KCNQ1OT1: variants seen among roughly 807,000 people sequenced by gnomAD.
KCNQ1OT1 encodes the protein KCNQ1 opposite strand/antisense transcript 1, also known as KCNQ1 antisense RNA 2 (non-protein coding).
In KCNQ1OT1 at chr11:2,670,496, C is replaced by T. The variant is rs1202446729; in HGVS notation, n.29499G>A. ...GGTCCCTCAGAGAGCATCTAGTGGG[C>T]CTGTCCTCCCAGCTCACAGAAGGGG... On this transcript the variant is annotated non_coding_transcript_exon_variant, in exon 1 of 1. Transcript: ENST00000597346. This position sits in a 1 kb window ranked among gnomAD's most constrained non-coding sequence, Gnocchi z 4.9. 5.0e-6 allele frequency: 2 copies of T among 397,186 alleles called. No individual in the cohort carries two copies. Among genetic ancestry groups the T allele is most frequent in the African/African-American group, 4.2e-5 (2 of 48,110 alleles). 24.6% of individuals were successfully genotyped at this position (397,186 alleles called of 1,614,324 possible). A position where few individuals can be genotyped will look rare whatever the true frequency, so the allele number is the denominator to read the frequency against.
chr11:2,632,576 G>C (rs941050505), exon 1 of KCNQ1OT1: 2 of 398,264 alleles, frequency 5.0e-6, no homozygotes, highest in Middle Eastern at 6.3e-4. Context: ...GATATACACA[G>C]TGATATTGTG....
exon 1 of KCNQ1OT1, chr11:2,618,284 T>G: frequency 2.5e-6 from 1 of 398,518 alleles, no homozygotes; most frequent in Non-Finnish European, 4.4e-6. Flanking sequence ...TAAAATACAC[T>G]AACAATAACA....
chr11:2,618,306 G>C, exon 1 of KCNQ1OT1: 2 of 398,450 alleles, frequency 5.0e-6, no homozygotes, highest in Non-Finnish European at 8.8e-6. Flanking sequence ...CAGCTGATGG[G>C]CTAAAAAAAT....
chr11:2,672,513 C>A (rs562429381), exon 1 of KCNQ1OT1: 2 of 398,654 alleles, frequency 5.0e-6, no homozygotes, highest in African/African-American at 2.1e-5. Context: ...CTCTGTGCTC[C>A]CAGGCCTCTC....
rs1849681657 is a variant in KCNQ1OT1 at position 2,647,316 on chromosome 11, G to T, written n.52679C>A. On this transcript the variant is annotated non_coding_transcript_exon_variant, in exon 1 of 1. Transcript: ENST00000597346. The surrounding 1 kb of genome is among the most constrained non-coding windows in gnomAD (Gnocchi z 4.0). The stretch of plus-strand genomic sequence containing the variant: ...ATGTTGAACCATCCTTGAATCCCTG[G>T]GATAAATCCCACTTGATTATGGTGT... The T allele has an allele frequency of 5.0e-6, 2 of 398,198 alleles. No individual in the cohort carries two copies. The highest frequency in any genetic ancestry group is 1.3e-4 in the South Asian group (1 of 7,826). 24.7% of individuals were successfully genotyped at this position (398,198 alleles called of 1,614,324 possible).
rs1010046283 is a variant in KCNQ1OT1 at position 2,664,923 on chromosome 11, G to A, written n.35072C>T. 2.5e-5 allele frequency: 10 copies of A among 398,486 alleles called. No homozygotes were observed. The highest frequency in any genetic ancestry group is 1.3e-4 in the South Asian group (1 of 7,862). 24.7% of individuals were successfully genotyped at this position (398,486 alleles called of 1,614,324 possible). A position where few individuals can be genotyped will look rare whatever the true frequency, so the allele number is the denominator to read the frequency against. On this transcript the variant is annotated non_coding_transcript_exon_variant, in exon 1 of 1. Coordinates refer to ENST00000597346, the Ensembl canonical transcript of KCNQ1OT1. The surrounding 1 kb of genome is among the most constrained non-coding windows in gnomAD (Gnocchi z 5.1). Reference sequence around the variant, plus strand: ...TTTCCATCTCGAGCTCTCCCCGCCCGCAGGGCCCCAGAGAGGTGAGGTCAC... The same window carrying A: ...TTTCCATCTCGAGCTCTCCCCGCCCACAGGGCCCCAGAGAGGTGAGGTCAC...
chr11:2,687,047 G>A lies in KCNQ1OT1; in HGVS notation n.12948C>T. 2.5e-6 allele frequency: 1 copy of A among 398,638 alleles called. No homozygotes were observed. The highest frequency in any genetic ancestry group is 4.4e-6 in the Non-Finnish European group (1 of 226,086). The allele number at this position is 398,638 out of a possible 1,614,324, so 24.7% of individuals were successfully genotyped here. A position where few individuals can be genotyped will look rare whatever the true frequency, so the allele number is the denominator to read the frequency against. On this transcript the variant is annotated non_coding_transcript_exon_variant, in exon 1 of 1. Coordinates refer to ENST00000597346, the Ensembl canonical transcript of KCNQ1OT1. This position sits in a 1 kb window ranked among gnomAD's most constrained non-coding sequence, Gnocchi z 5.0. ...GCTAAAACTCAGCAGTCCCAGCTCT[G>A]GGGGACAAGGACCCACAAAGTGATG...
chr11:2,665,311 G>A (rs1462856118), exon 1 of KCNQ1OT1: 9 of 398,260 alleles, frequency 2.3e-5, no homozygotes, highest in African/African-American at 4.1e-5. Context: ...GCTTCTGAGA[G>A]AAAGGTGGGA....
At position 2,647,617 on chromosome 11, in the gene KCNQ1OT1, C is replaced by T. The variant is rs1468865568; in HGVS notation, n.52378G>A. The T allele has an allele frequency of 2.0e-5, 8 of 398,476 alleles. No individual in the cohort carries two copies. The highest frequency in any genetic ancestry group is 2.2e-5 in the Non-Finnish European group (5 of 226,020). 24.7% of individuals were successfully genotyped at this position (398,476 alleles called of 1,614,324 possible). On this transcript the variant is annotated non_coding_transcript_exon_variant, in exon 1 of 1. Coordinates refer to ENST00000597346, the Ensembl canonical transcript of KCNQ1OT1. This position sits in a 1 kb window ranked among gnomAD's most constrained non-coding sequence, Gnocchi z 4.0. The stretch of plus-strand genomic sequence containing the variant: ...GTTTGGTAGAATTCAGTAGAAAACC[C>T]GTGCAATCCTGAGGTTTTCTTTACT...
exon 1 of KCNQ1OT1, chr11:2,629,399 A>G (rs1264394366): frequency 1.0e-5 from 4 of 398,372 alleles, no homozygotes; most frequent in Non-Finnish European, 1.3e-5. Flanking sequence ...AATGAAGTCA[A>G]TACCAAATCC....
chr11:2,649,265 C>A, exon 1 of KCNQ1OT1: 1 of 398,316 alleles, frequency 2.5e-6, no homozygotes, highest in Admixed American at 4.4e-5. Flanking sequence ...TGTTTTCTGA[C>A]TGATTTGTAT....
Position 2,690,669 on chromosome 11 carries a change from A to G in KCNQ1OT1, n.9326T>C, listed in dbSNP as rs1232491961. On this transcript the variant is annotated non_coding_transcript_exon_variant, in exon 1 of 1. Transcript: ENST00000597346. The surrounding 1 kb of genome is among the most constrained non-coding windows in gnomAD (Gnocchi z 5.1). The stretch of plus-strand genomic sequence containing the variant: ...TGTCAGTGTATGTGTGTCAGTGCAC[A>G]TAGGTATAGGGGCTGTCTCTCAGAA... The G allele has an allele frequency of 1.0e-5, 4 of 398,556 alleles. No homozygotes were observed. Among genetic ancestry groups the G allele is most frequent in the Non-Finnish European group, 1.8e-5 (4 of 226,094 alleles). The allele number at this position is 398,556 out of a possible 1,614,324, so 24.7% of individuals were successfully genotyped here.
exon 1 of KCNQ1OT1, chr11:2,641,694 A>G (rs1849579554): frequency 7.5e-6 from 3 of 398,382 alleles, no homozygotes; most frequent in East Asian, 7.1e-5. Flanking sequence ...GGTCTTATCC[A>G]TAAAATCTTT....
At position 2,676,978 on chromosome 11, in the gene KCNQ1OT1, T is replaced by C. The variant is rs76232439; in HGVS notation, n.23017A>G. 906 of 398,646 alleles carry C rather than the reference T, an allele frequency of 2.3e-3. 20 individuals carry two copies. The East Asian group carries it at 0.032, about 14-fold the overall frequency. 24.7% of individuals were successfully genotyped at this position (398,646 alleles called of 1,614,324 possible). A position where few individuals can be genotyped will look rare whatever the true frequency, so the allele number is the denominator to read the frequency against. On this transcript the variant is annotated non_coding_transcript_exon_variant, in exon 1 of 1. Transcript: ENST00000597346. The surrounding 1 kb of genome is among the most constrained non-coding windows in gnomAD (Gnocchi z 4.2). ...AGACATCTAGCAAATCTCCTTTTCATTAACAGCTGCAGAGTTTCATTGTGC... is the reference window on the plus strand; with the variant it reads ...AGACATCTAGCAAATCTCCTTTTCACTAACAGCTGCAGAGTTTCATTGTGC...
chr11:2,658,098 G>A lies in KCNQ1OT1; in HGVS notation n.41897C>T. ...AGGGAGGGGTTCAACTCTACCTCCT[G>A]CAGGAGAGTATCAAAAAAAATCTGC... On this transcript the variant is annotated non_coding_transcript_exon_variant, in exon 1 of 1. Transcript: ENST00000597346. The surrounding 1 kb of genome is among the most constrained non-coding windows in gnomAD (Gnocchi z 4.9). 1 of 398,522 alleles carries A rather than the reference G, an allele frequency of 2.5e-6. No individual in the cohort carries two copies. The allele number at this position is 398,522 out of a possible 1,614,324, so 24.7% of individuals were successfully genotyped here.
At chr11:2,694,607 C>T (rs1178954795) in exon 1 of KCNQ1OT1, 3 of 398,598 alleles carry the variant, frequency 7.5e-6, no homozygotes, top group Non-Finnish European at 8.8e-6. Context: ...CCTCTTCCTT[C>T]GTTCAATAAA....
rs1327036209 is a variant in KCNQ1OT1 at position 2,653,328 on chromosome 11, G to A, written n.46667C>T. Reference sequence around the variant, plus strand: ...TATTTTGTAACCTTGACTGCCCCCAGGCCCATGTCCGTAGGCTCACACCTC... The same window carrying A: ...TATTTTGTAACCTTGACTGCCCCCAAGCCCATGTCCGTAGGCTCACACCTC... On this transcript the variant is annotated non_coding_transcript_exon_variant, in exon 1 of 1. Transcript: ENST00000597346. The surrounding 1 kb of genome is among the most constrained non-coding windows in gnomAD (Gnocchi z 5.3). The A allele has an allele frequency of 7.5e-6, 3 of 398,606 alleles. No homozygotes were observed. The highest frequency in any genetic ancestry group is 2.1e-5 in the African/African-American group (1 of 48,632). 24.7% of individuals were successfully genotyped at this position (398,606 alleles called of 1,614,324 possible).
rs1299891434 is a variant in KCNQ1OT1 at position 2,651,085 on chromosome 11, C to G, written n.48910G>C. 1 of 398,636 alleles carries G rather than the reference C, an allele frequency of 2.5e-6. No homozygotes were observed. Among genetic ancestry groups the G allele is most frequent in the Non-Finnish European group, 4.4e-6 (1 of 226,158 alleles). The allele number at this position is 398,636 out of a possible 1,614,324, so 24.7% of individuals were successfully genotyped here. ...GTTGTCCATACCTCATTACTGGTCT[C>G]TTGATTTCCACTCTTGCTTCCTGTA... On this transcript the variant is annotated non_coding_transcript_exon_variant, in exon 1 of 1. Transcript: ENST00000597346. This position sits in a 1 kb window ranked among gnomAD's most constrained non-coding sequence, Gnocchi z 6.1.
In KCNQ1OT1 at chr11:2,669,554, G is replaced by A. The variant is rs1850144639; in HGVS notation, n.30441C>T. ...GAATCCAGGGACAAGGTCTGTCAGG[G>A]AGCCCTGGCCAGCTTGGGTCATTTC... On this transcript the variant is annotated non_coding_transcript_exon_variant, in exon 1 of 1. Coordinates refer to ENST00000597346, the Ensembl canonical transcript of KCNQ1OT1. The surrounding 1 kb of genome is among the most constrained non-coding windows in gnomAD (Gnocchi z 5.6). The A allele has an allele frequency of 2.5e-6, 1 of 398,498 alleles. No homozygotes were observed. Among genetic ancestry groups the A allele is most frequent in the Non-Finnish European group, 4.4e-6 (1 of 226,092 alleles). The allele number at this position is 398,498 out of a possible 1,614,324, so 24.7% of individuals were successfully genotyped here.
Sources: allele counts gnomAD v4.1 joint callset, GRCh38; gene constraint gnomAD v4.1.1; non-coding constraint Gnocchi (gnomAD v3.1); transcripts MANE v1.5; gene names NCBI Gene and HGNC (gene_info 2026-07-23, HGNC 2026-07-21).